Variants in CNTN4 observed in about 807,000 individuals in gnomAD.
CNTN4 encodes the protein contactin 4.
CNTN4 carries 77 observed loss-of-function variants against 122.5 expected under a neutral mutation model. The observed-to-expected ratio is 0.63, with a 90% CI of 0.52 to 0.76. The LOEUF (loss-of-function observed/expected upper bound fraction) is 0.76. Among genes scored for constraint, CNTN4 ranks in the 30% least tolerant of loss-of-function variants. The pLI is 0.00. For synonymous variants in CNTN4, 512 were observed against 447.0 expected, an observed-to-expected ratio of 1.15 and a Z score of -1.83; for missense variants, 1,256 against 1,259.1, an observed-to-expected ratio of 1.00 and a Z score of 0.04.
At chr3:2,510,364 G>T (rs904843757) in intron 3 of CNTN4, among the ~76,000 whole-genome samples, 2 of 82,872 alleles carry the variant, frequency 2.4e-5, no homozygotes, top group Non-Finnish European at 6.0e-5. Flanking sequence ...TCACCTGTTT[G>T]TTTGTTTGGG....
intron 8 of CNTN4, among the ~76,000 whole-genome samples, chr3:2,867,531 C>T (rs892063951): frequency 5.9e-5 from 9 of 152,252 alleles, no homozygotes; most frequent in Middle Eastern, 3.4e-3. Flanking sequence ...TTTGTAAAGA[C>T]GGCCGTGTAT....
intron 7 of CNTN4, among the ~76,000 whole-genome samples, chr3:2,843,186 C>T (rs2093394843): frequency 6.6e-6 from 1 of 152,152 alleles, no homozygotes; most frequent in African/African-American, 2.4e-5. Context: ...TTTTCCCAGT[C>T]ACAGGAAAGG....
At chr3:2,648,395 G>A (rs1205716412) in intron 4 of CNTN4, among the ~76,000 whole-genome samples, 1 of 152,108 alleles carries the variant, frequency 6.6e-6, no homozygotes, top group Non-Finnish European at 1.5e-5. Context: ...TTTCCCAACA[G>A]CATGTGCTTA....
At chr3:2,629,235 G>T (rs1402805523) in intron 4 of CNTN4, among the ~76,000 whole-genome samples, 1 of 152,134 alleles carries the variant, frequency 6.6e-6, no homozygotes, top group Non-Finnish European at 1.5e-5. Flanking sequence ...ACAAAGAGAA[G>T]GTGGCCATCT....
chr3:3,056,087 G>A, intron 24 of CNTN4, 33 bp from the exon 25 acceptor site: 2 of 1,557,176 alleles, frequency 1.3e-6, no homozygotes, highest in Admixed American at 1.7e-5. Flanking sequence ...CCGGGATGGG[G>A]CTGTTTTGAG....
At chr3:2,447,940 T>C (rs940207493) in intron 3 of CNTN4, among the ~76,000 whole-genome samples, 2 of 152,172 alleles carry the variant, frequency 1.3e-5, no homozygotes, top group African/African-American at 4.8e-5. Context: ...TTCTGAAAGA[T>C]ATTCAATTCA....
At chr3:2,433,226 TC>T (rs1365091522) in intron 3 of CNTN4, among the ~76,000 whole-genome samples, 3 of 152,226 alleles carry the variant, frequency 2.0e-5, no homozygotes, top group Admixed American at 6.5e-5. Flanking sequence ...CATACTGTTT[TC>T]TGTATTGGCT....
intron 14 of CNTN4, among the ~76,000 whole-genome samples, chr3:3,005,868 T>C (rs999641852): frequency 1.1e-3 from 171 of 150,284 alleles, no homozygotes; most frequent in African/African-American, 4.2e-3. Flanking sequence ...TTGCACTCTA[T>C]CTCAGCACAC....
intron 4 of CNTN4, among the ~76,000 whole-genome samples, chr3:2,614,530 G>A (rs996874573): frequency 3.3e-5 from 5 of 152,158 alleles, no homozygotes; most frequent in Non-Finnish European, 5.9e-5. Flanking sequence ...CCAAACTGGT[G>A]TAGTGAAATG....
intron 2 of CNTN4, among the ~76,000 whole-genome samples, chr3:2,299,511 G>C (rs577069867): frequency 6.6e-6 from 1 of 151,950 alleles, no homozygotes; most frequent in Non-Finnish European, 1.5e-5. Context: ...ATATCACACT[G>C]TCTGCCTCTC....
intron 2 of CNTN4, among the ~76,000 whole-genome samples, chr3:2,177,256 AG>A (rs1480963929): frequency 2.6e-5 from 4 of 152,192 alleles, no homozygotes; most frequent in African/African-American, 9.7e-5. Context: ...ATTTTATTAC[AG>A]GATGGAATTC....
At chr3:2,737,356 C>T (rs1265803932) in intron 5 of CNTN4, among the ~76,000 whole-genome samples, 2 of 152,182 alleles carry the variant, frequency 1.3e-5, no homozygotes, top group Admixed American at 6.5e-5. Flanking sequence ...GCTGGGATTA[C>T]AGGCATGAAC....
At chr3:2,185,765 C>T (rs2037223020) in intron 2 of CNTN4, among the ~76,000 whole-genome samples, 1 of 152,088 alleles carries the variant, frequency 6.6e-6, no homozygotes, top group African/African-American at 2.4e-5. Flanking sequence ...CCTTAGACTA[C>T]TCAAATTGTC....
At chr3:2,131,543 G>T (rs1385875482) in intron 2 of CNTN4, among the ~76,000 whole-genome samples, 2 of 152,094 alleles carry the variant, frequency 1.3e-5, no homozygotes, top group East Asian at 3.9e-4. Context: ...TGTTAGCTAG[G>T]GTAAAGTGGG....
At chr3:2,364,812 T>G (rs1316545378) in intron 3 of CNTN4, among the ~76,000 whole-genome samples, 1 of 152,192 alleles carries the variant, frequency 6.6e-6, no homozygotes, top group East Asian at 1.9e-4. Flanking sequence ...GAGACACCTC[T>G]CTATGGTGAA....
chr3:2,355,415 C>A (rs1161096508), intron 3 of CNTN4, among the ~76,000 whole-genome samples: 2 of 152,052 alleles, frequency 1.3e-5, no homozygotes, highest in African/African-American at 2.4e-5. Flanking sequence ...AAACAGAAAC[C>A]CTCTTAATTT....
chr3:2,282,872 T>A (rs534087487), intron 2 of CNTN4, among the ~76,000 whole-genome samples: 1 of 152,292 alleles, frequency 6.6e-6, no homozygotes, highest in African/African-American at 2.4e-5. Flanking sequence ...GAAAATATGC[T>A]AAGTGAAAGA....
At chr3:2,250,903 A>G (rs1418755267) in intron 2 of CNTN4, among the ~76,000 whole-genome samples, 1 of 151,892 alleles carries the variant, frequency 6.6e-6, no homozygotes, top group African/African-American at 2.4e-5. Flanking sequence ...CTAGTTAATG[A>G]AGAAAAGAAG....
intron 2 of CNTN4, among the ~76,000 whole-genome samples, chr3:2,168,563 A>G (rs2036302614): frequency 6.6e-6 from 1 of 152,064 alleles, no homozygotes; most frequent in Non-Finnish European, 1.5e-5. Flanking sequence ...GACATTATAA[A>G]ACAAAATAAA....
Sources: allele counts gnomAD v4.1 joint callset (sites outside exome capture counted in the v4.1 genomes callset), GRCh38; gene constraint gnomAD v4.1.1; transcripts MANE v1.5; gene names NCBI Gene and HGNC (gene_info 2026-07-23, HGNC 2026-07-21).